Variants in NBEA observed in about 807,000 individuals in gnomAD.
NBEA encodes neurobeachin, also known as lysosomal-trafficking regulator 2.
A neutral mutation model predicts 343.4 loss-of-function variants in NBEA; 44 were observed. The ratio of observed to expected loss-of-function variants is 0.13; its 90% CI spans 0.10 to 0.16. The LOEUF (loss-of-function observed/expected upper bound fraction) is 0.16. Among genes scored for constraint, NBEA ranks in the 10% least tolerant of loss-of-function variants. NBEA has a pLI of 1.00. For synonymous variants in NBEA, 1,175 were observed against 1,238.7 expected, an observed-to-expected ratio of 0.95 and a Z score of 1.08; for missense variants, 2,555 against 3,631.3, an observed-to-expected ratio of 0.70 and a Z score of 7.62.
chr13:35,302,595 A>G (rs543945374), intron 35 of NBEA, among the ~76,000 whole-genome samples: 1 of 152,340 alleles, frequency 6.6e-6, no homozygotes, highest in South Asian at 2.1e-4. Flanking sequence ...AGCATGTGTG[A>G]CAGAAAACAA....
intron 1 of NBEA, among the ~76,000 whole-genome samples, chr13:35,023,740 G>T (rs921294618): frequency 1.5e-4 from 23 of 152,178 alleles, no homozygotes; most frequent in African/African-American, 5.5e-4. Context: ...GTGAGCTTAG[G>T]AAGACTGGGC....
intron 43 of NBEA, among the ~76,000 whole-genome samples, 198 bp from the exon 44 acceptor site, chr13:35,554,785 GTAAT>G (rs2079509309): frequency 6.6e-6 from 1 of 152,082 alleles, no homozygotes; most frequent in Non-Finnish European, 1.5e-5. Flanking sequence ...TTTATCCTGA[GTAAT>G]TAAGTGTATC....
chr13:35,051,835 T>C (rs2152564175), intron 6 of NBEA, among the ~76,000 whole-genome samples: 1 of 152,156 alleles, frequency 6.6e-6, no homozygotes, highest in East Asian at 1.9e-4. Flanking sequence ...TTTTAACAAA[T>C]ATTCTAGGTA....
intron 31 of NBEA, among the ~76,000 whole-genome samples, chr13:35,207,881 A>G (rs183495933): frequency 6.6e-6 from 1 of 152,142 alleles, no homozygotes; most frequent in African/African-American, 2.4e-5. Flanking sequence ...TTTATTTATT[A>G]TTCCTTGGTT....
intron 8 of NBEA, among the ~76,000 whole-genome samples, chr13:35,068,223 T>C (rs1340385615): frequency 6.6e-6 from 1 of 152,148 alleles, no homozygotes; most frequent in Non-Finnish European, 1.5e-5. Flanking sequence ...AAATAGCGTA[T>C]GGTATGTATC....
chr13:35,286,731 T>C (rs1462211604), intron 34 of NBEA, among the ~76,000 whole-genome samples: 55 of 152,124 alleles, frequency 3.6e-4, no homozygotes, highest in Admixed American at 3.5e-3. Flanking sequence ...ATACTCATTT[T>C]GGAGATTTCT....
chr13:35,455,583 A>C (rs1412954614), intron 40 of NBEA, among the ~76,000 whole-genome samples: 2 of 152,092 alleles, frequency 1.3e-5, no homozygotes, highest in Admixed American at 6.6e-5. Context: ...TCTTCAGTAC[A>C]TTTACATTTT....
At chr13:35,186,147 T>C (rs890162005) in intron 30 of NBEA, 5 of 151,906 alleles carry the variant, frequency 3.3e-5, no homozygotes, top group Non-Finnish European at 5.9e-5. Context: ...ATACAAAAAA[T>C]TAAAAAATTA....
chr13:35,606,454 C>G lies in NBEA; in HGVS notation c.7325C>G (p.Pro2442Arg). 3 of 1,557,940 alleles carry G rather than the reference C, an allele frequency of 1.9e-6. No individual in the cohort carries two copies. Among genetic ancestry groups the G allele is most frequent in the Non-Finnish European group, 2.6e-6 (3 of 1,147,862 alleles). ...CTAATTCCAGAGTTCTACTACCTAC[C>G]AGAGATGTTTGTCAACAGTAATGGA... ...KELIPEFYYL[P>R]EMFVNSNGYN... The change falls in exon 48 of 59, where the codon CCA becomes CGA. Residue 2442 changes from proline to arginine, a missense_variant. By Grantham distance (103) the Pro-to-Arg change is moderately radical (BLOSUM62 -2). Around this residue, in one of 21 missense-constraint regions of NBEA, gnomAD observed 156 missense variants for 185.8 expected, o/e 0.84. Coordinates refer to ENST00000379939, the MANE Select transcript of NBEA (RefSeq NM_001385012.1).
intron 17 of NBEA, among the ~76,000 whole-genome samples, chr13:35,136,988 A>G (rs1057124191): frequency 6.6e-6 from 1 of 152,268 alleles, no homozygotes; most frequent in Non-Finnish European, 1.5e-5. Flanking sequence ...AAATAGCAAT[A>G]TAGCTCACAA....
intron 8 of NBEA, among the ~76,000 whole-genome samples, chr13:35,061,871 G>T (rs1163058657): frequency 2.0e-5 from 3 of 151,530 alleles, no homozygotes; most frequent in African/African-American, 7.3e-5. Flanking sequence ...GGCTTTGGAG[G>T]GTAGTCAAAA....
intron 12 of NBEA, among the ~76,000 whole-genome samples, chr13:35,110,039 T>C (rs2066112332): frequency 1.7e-5 from 2 of 118,116 alleles, no homozygotes; most frequent in Non-Finnish European, 3.6e-5. Context: ...AACTCTTTTT[T>C]TTTTTTTTTT....
At chr13:34,968,380 T>C (rs2059895685) in intron 1 of NBEA, among the ~76,000 whole-genome samples, 2 of 152,108 alleles carry the variant, frequency 1.3e-5, no homozygotes, top group African/African-American at 4.8e-5. Flanking sequence ...CCCTTGAAAC[T>C]ATCTAAGGGC....
chr13:34,988,098 G>A (rs148609039), intron 1 of NBEA, among the ~76,000 whole-genome samples: 32 of 150,846 alleles, frequency 2.1e-4, no homozygotes, highest in African/African-American at 4.6e-4. Flanking sequence ...AATTTTCAGC[G>A]TTTCTACTCT....
chr13:35,263,124 A>G lies in NBEA; in HGVS notation c.5777-27265A>G, dbSNP rs533807335. Among the ~76,000 whole-genome samples the G allele has an allele frequency of 1.1e-4, 16 of 152,338 alleles. No individual in the cohort carries two copies. The East Asian group carries it at 3.1e-3, about 29-fold the overall frequency. Reference sequence around the variant, plus strand: ...AGTGAAGTACTGGAATGAAACAGACATATAAACCAATGGAATACAATCTCT... The same window carrying G: ...AGTGAAGTACTGGAATGAAACAGACGTATAAACCAATGGAATACAATCTCT... On this transcript the variant is annotated intron_variant, in intron 34 of 58. Coordinates refer to ENST00000379939, the MANE Select transcript of NBEA (RefSeq NM_001385012.1).
At chr13:35,312,186 G>A (rs2037414923) in intron 36 of NBEA, among the ~76,000 whole-genome samples, 1 of 152,186 alleles carries the variant, frequency 6.6e-6, no homozygotes, top group African/African-American at 2.4e-5. Flanking sequence ...CAAGGATACT[G>A]TGATAAAAGA....
At chr13:35,556,099 T>C (rs983315191) in intron 44 of NBEA, among the ~76,000 whole-genome samples, 1 of 152,030 alleles carries the variant, frequency 6.6e-6, no homozygotes, top group Non-Finnish European at 1.5e-5. Flanking sequence ...TCCCAATACA[T>C]TCATGTATAT....
intron 34 of NBEA, among the ~76,000 whole-genome samples, chr13:35,284,692 G>A (rs185839267): frequency 6.6e-6 from 1 of 152,078 alleles, no homozygotes; most frequent in Non-Finnish European, 1.5e-5. Flanking sequence ...GAATTAGAAA[G>A]CCACATGAAT....
At chr13:35,285,056 C>T (rs886179269) in intron 34 of NBEA, among the ~76,000 whole-genome samples, 1 of 152,100 alleles carries the variant, frequency 6.6e-6, no homozygotes, top group Admixed American at 6.6e-5. Flanking sequence ...TTCCTTTCCA[C>T]GTCTATAGTT....
Sources: gnomAD v4.1 joint callset for allele counts (sites outside exome capture counted in the v4.1 genomes callset) on GRCh38, gnomAD v4.1.1 for gene constraint, gnomAD v4.1.1 regional missense constraint, MANE v1.5 for transcripts, NCBI Gene and HGNC (gene_info 2026-07-23, HGNC 2026-07-21) for gene names.